Variants in SMARCC1 observed in about 807,000 individuals in gnomAD.
SMARCC1 encodes the protein SWI/SNF related BAF chromatin remodeling complex subunit C1.
SMARCC1 carries 43 observed loss-of-function variants against 147.4 expected under a neutral mutation model. The ratio of observed to expected loss-of-function variants is 0.29; its 90% confidence interval spans 0.23 to 0.38. The LOEUF is 0.38. SMARCC1 is among the 10% of genes least tolerant of loss of function. The pLI, the probability that SMARCC1 is intolerant of heterozygous loss-of-function variation, is 1.00. For missense variants in SMARCC1, 1,119 were observed against 1,381.1 expected, an observed-to-expected ratio of 0.81 and a Z score of 3.01; for synonymous variants, 495 against 484.4, an observed-to-expected ratio of 1.02 and a Z score of -0.29.
chr3:47,655,820 T>C (rs966026056), intron 21 of SMARCC1, among the ~76,000 whole-genome samples: 1 of 152,198 alleles, frequency 6.6e-6, no homozygotes, highest in African/African-American at 2.4e-5. Flanking sequence ...ATGACACCTA[T>C]AGTTCTTTAA....
At chr3:47,738,184 G>C in intron 3 of SMARCC1, 74 bp from the exon 4 acceptor site, 2 of 893,412 alleles carry the variant, frequency 2.2e-6, no homozygotes, top group Non-Finnish European at 3.4e-6. Flanking sequence ...TTTAGAATTC[G>C]ATGCAAATGA....
intron 27 of SMARCC1, 137 bp from the exon 28 acceptor site, chr3:47,588,443 C>A: frequency 1.4e-6 from 1 of 736,830 alleles, no homozygotes; most frequent in Non-Finnish European, 2.3e-6. Context: ...GGCATTGATT[C>A]CACTGTGGTC....
intron 25 of SMARCC1, among the ~76,000 whole-genome samples, chr3:47,611,014 A>G (rs993103808): frequency 2.0e-5 from 3 of 152,242 alleles, no homozygotes; most frequent in African/African-American, 7.2e-5. Context: ...GACTACAAGC[A>G]TTTCAATATT....
At chr3:47,614,152 A>C (rs772882243) in intron 25 of SMARCC1, among the ~76,000 whole-genome samples, 21 of 152,204 alleles carry the variant, frequency 1.4e-4, no homozygotes, top group Non-Finnish European at 7.3e-5. Context: ...CCCAAATCCA[A>C]AACAGACATA....
chr3:47,758,961 G>A (rs1212957151), intron 2 of SMARCC1, among the ~76,000 whole-genome samples: 1 of 151,266 alleles, frequency 6.6e-6, no homozygotes, highest in African/African-American at 2.4e-5. Flanking sequence ...TGGTGGCGGT[G>A]AGCTGAGATC....
chr3:47,778,686 A>T (rs914808260), intron 1 of SMARCC1, among the ~76,000 whole-genome samples: 10 of 152,128 alleles, frequency 6.6e-5, no homozygotes, highest in African/African-American at 2.4e-4. Context: ...TTAGTCTCAA[A>T]ATATTTCAAG....
chr3:47,687,139 TAAG>T (rs1320359630), intron 13 of SMARCC1, among the ~76,000 whole-genome samples: 5 of 152,186 alleles, frequency 3.3e-5, no homozygotes, highest in Non-Finnish European at 1.5e-5. Flanking sequence ...ACAGTTTCTA[TAAG>T]AATAGTAAAA....
chr3:47,622,223 T>C lies in SMARCC1; in HGVS notation c.2765A>G (p.Asp922Gly). The C allele has an allele frequency of 2.5e-6, 4 of 1,605,524 alleles. No homozygotes were observed. Among genetic ancestry groups the C allele is most frequent in the Non-Finnish European group, 3.4e-6 (4 of 1,178,132 alleles). ...RHFEELETIMDREKEALEQQR... is the reference protein window; with the variant it reads ...RHFEELETIMGREKEALEQQR... ...AATACTTACAGCTTCTTTCTCTCTG[T>C]CCATGATAGTTTCCAGCTCTTCAAA... The change falls in exon 25 of 28, where the codon GAC becomes GGC. Residue 922 changes from aspartate (D) to glycine (G), a missense_variant. This residue lies in a region of SMARCC1 where 42 missense variants were observed against 89.4 expected (regional missense o/e 0.47). Coordinates refer to ENST00000254480, the MANE Select transcript of SMARCC1 (RefSeq NM_003074.4).
At chr3:47,625,693 GATCT>G (rs1415200444) in intron 24 of SMARCC1, among the ~76,000 whole-genome samples, 1 of 152,060 alleles carries the variant, frequency 6.6e-6, no homozygotes, top group African/African-American at 2.4e-5. Flanking sequence ...GTGGATCATA[GATCT>G]AAATATAAAA....
At chr3:47,636,810 G>C (rs965362828) in intron 22 of SMARCC1, among the ~76,000 whole-genome samples, 3 of 151,104 alleles carry the variant, frequency 2.0e-5, no homozygotes, top group African/African-American at 4.9e-5. Context: ...GTGTGTGTGT[G>C]TGTGTGTGTG....
At chr3:47,750,018 C>T (rs2034611848) in intron 2 of SMARCC1, among the ~76,000 whole-genome samples, 1 of 150,392 alleles carries the variant, frequency 6.6e-6, no homozygotes, top group Non-Finnish European at 1.5e-5. Flanking sequence ...GGACATGGAG[C>T]TTGCAGTGAG....
At chr3:47,648,375 C>G (rs1236666933) in intron 21 of SMARCC1, among the ~76,000 whole-genome samples, 1 of 151,896 alleles carries the variant, frequency 6.6e-6, no homozygotes, top group African/African-American at 2.4e-5. Flanking sequence ...TACATGTCCC[C>G]TTGTAAGAAT....
intron 3 of SMARCC1, among the ~76,000 whole-genome samples, chr3:47,744,566 T>C (rs1274723230): frequency 1.3e-5 from 2 of 152,170 alleles, no homozygotes; most frequent in African/African-American, 4.8e-5. Flanking sequence ...AGCTTAACTT[T>C]TAAAGTAAAA....
At chr3:47,695,208 C>G (rs995358792) in intron 11 of SMARCC1, among the ~76,000 whole-genome samples, 1 of 152,126 alleles carries the variant, frequency 6.6e-6, no homozygotes, top group African/African-American at 2.4e-5. Context: ...TGGCTCATGC[C>G]TGTAAGTCCT....
chr3:47,662,941 T>C (rs939139439), intron 19 of SMARCC1, among the ~76,000 whole-genome samples: 10 of 150,608 alleles, frequency 6.6e-5, no homozygotes, highest in African/African-American at 2.4e-4. Context: ...CTGGGCATGG[T>C]GGTGCGTGCC....
chr3:47,598,922 A>G (rs1209955513), intron 26 of SMARCC1, among the ~76,000 whole-genome samples: 1 of 151,620 alleles, frequency 6.6e-6, no homozygotes, highest in Non-Finnish European at 1.5e-5. Flanking sequence ...AAGGTGATGT[A>G]AAGATGGAGC....
chr3:47,661,175 A>C (rs2033341068), intron 21 of SMARCC1, 119 bp downstream of exon 21: 4 of 750,446 alleles, frequency 5.3e-6, no homozygotes, highest in Non-Finnish European at 8.1e-6. Flanking sequence ...ATCTTAAAAG[A>C]CAAGTTTATA....
chr3:47,635,311 G>T lies in SMARCC1; in HGVS notation c.2525C>A (p.Thr842Asn). ...ACTTTCTCTTTCTTTACATGTATCA[G>T]TGAGTTCTTTGTTCTCTTCAGTCTC... is the stretch of plus-strand genomic sequence containing the variant. ...EKETEENKEL[T>N]DTCKERESDT... Residue 842 changes from threonine to asparagine, a missense_variant, in exon 24 of 28, where the codon ACT becomes AAT. This residue lies in a region of SMARCC1 where 157 missense variants were observed against 158.6 expected (regional missense o/e 0.99). Transcript: ENST00000254480. 1 of 1,612,734 alleles carries T rather than the reference G, an allele frequency of 6.2e-7. No individual in the cohort carries two copies.
At chr3:47,776,019 A>G (rs1293868124) in intron 1 of SMARCC1, among the ~76,000 whole-genome samples, 1 of 151,894 alleles carries the variant, frequency 6.6e-6, no homozygotes, top group African/African-American at 2.4e-5. Flanking sequence ...ATGGTGGTGC[A>G]TGCCTATAAT....
Sources: allele counts gnomAD v4.1 joint callset (sites outside exome capture counted in the v4.1 genomes callset), GRCh38; gene constraint gnomAD v4.1.1; regional missense constraint gnomAD v4.1.1; transcripts MANE v1.5; gene names NCBI Gene and HGNC (gene_info 2026-07-23, HGNC 2026-07-21).